ST7: variants seen among roughly 807,000 people sequenced by gnomAD.
ST7 encodes the protein suppressor of tumorigenicity 7 protein.
A neutral mutation model predicts 78.7 loss-of-function variants in ST7; 28 were observed. That is an observed-to-expected ratio of 0.36 (90% CI 0.26 to 0.49). The LOEUF is 0.49. Among genes scored for constraint, ST7 ranks in the 20% least tolerant of loss-of-function variants. The pLI is 0.99. For synonymous variants in ST7, 247 were observed against 249.6 expected, an observed-to-expected ratio of 0.99 and a Z score of 0.10; for missense variants, 418 against 696.0, an observed-to-expected ratio of 0.60 and a Z score of 4.49.
At chr7:117,047,963 C>T (rs1462230659) in intron 1 of ST7, among the ~76,000 whole-genome samples, 1 of 152,192 alleles carries the variant, frequency 6.6e-6, no homozygotes, top group Non-Finnish European at 1.5e-5. Context: ...CAAAACTTAA[C>T]TACTAGTAGC....
chr7:117,163,413 C>T (rs904444874), intron 9 of ST7, among the ~76,000 whole-genome samples: 1 of 152,048 alleles, frequency 6.6e-6, no homozygotes, highest in Non-Finnish European at 1.5e-5. Context: ...ATAAGAATTG[C>T]CTTTTTTCTG....
At chr7:117,208,108 T>C (rs187981266) in intron 12 of ST7, among the ~76,000 whole-genome samples, 1 of 152,246 alleles carries the variant, frequency 6.6e-6, no homozygotes, top group African/African-American at 2.4e-5. Flanking sequence ...TGGCTGATAT[T>C]CATTATAAAC....
At chr7:117,179,184 A>G (rs1808559985) in intron 10 of ST7, among the ~76,000 whole-genome samples, 1 of 152,218 alleles carries the variant, frequency 6.6e-6, no homozygotes, top group Non-Finnish European at 1.5e-5. Flanking sequence ...TCCCTATTAG[A>G]ACGTACAACA....
chr7:117,044,092 G>A (rs925639912), intron 1 of ST7, among the ~76,000 whole-genome samples: 1 of 152,022 alleles, frequency 6.6e-6, no homozygotes, highest in South Asian at 2.1e-4. Context: ...CCCTGGGATC[G>A]GTTCTTAAAC....
intron 9 of ST7, chr7:117,146,308 G>C (rs766112408): frequency 6.6e-6 from 1 of 152,298 alleles, no homozygotes; most frequent in Non-Finnish European, 1.5e-5. Context: ...CAAAGGCCCT[G>C]AGGCAGCAGT....
chr7:117,214,377 G>A (rs1164748498), intron 13 of ST7, among the ~76,000 whole-genome samples: 1 of 152,108 alleles, frequency 6.6e-6, no homozygotes, highest in East Asian at 1.9e-4. Flanking sequence ...TTTCCTTTGA[G>A]AGGGGAAAAT....
chr7:116,958,407 T>C (rs1211716222), intron 1 of ST7, among the ~76,000 whole-genome samples: 1 of 152,210 alleles, frequency 6.6e-6, no homozygotes. Flanking sequence ...TGGCATTTTT[T>C]CATGTTGAGA....
At chr7:117,173,090 CT>C (rs1808118815) in intron 10 of ST7, among the ~76,000 whole-genome samples, 1 of 152,228 alleles carries the variant, frequency 6.6e-6, no homozygotes, top group Non-Finnish European at 1.5e-5. Flanking sequence ...TGAAACTTGG[CT>C]CACACTTTGA....
At chr7:117,040,125 G>A (rs570911162) in intron 1 of ST7, among the ~76,000 whole-genome samples, 7 of 152,226 alleles carry the variant, frequency 4.6e-5, no homozygotes, top group South Asian at 2.1e-4. Flanking sequence ...TGTAATCCCA[G>A]CACTTTGGGA....
intron 1 of ST7, among the ~76,000 whole-genome samples, chr7:116,969,520 G>A (rs2116240709): frequency 6.6e-6 from 1 of 152,304 alleles, no homozygotes; most frequent in African/African-American, 2.4e-5. Flanking sequence ...CTGGCAGAGA[G>A]AGTGTTGATC....
chr7:117,102,654 A>C (rs1366489175), intron 2 of ST7, among the ~76,000 whole-genome samples: 2 of 152,196 alleles, frequency 1.3e-5, no homozygotes, highest in Non-Finnish European at 2.9e-5. Flanking sequence ...AACTATATTA[A>C]TATATTGAGA....
At chr7:117,053,869 G>A (rs557681990) in intron 1 of ST7, among the ~76,000 whole-genome samples, 3 of 151,568 alleles carry the variant, frequency 2.0e-5, no homozygotes, top group South Asian at 2.1e-4. Flanking sequence ...TTTTTAAGAC[G>A]GAGTCTTGCT....
rs148174568 is a variant in ST7 at position 116,994,812 on chromosome 7, A to G, written c.151+41121A>G. Among the ~76,000 whole-genome samples, 10 of 152,336 alleles carry G rather than the reference A, an allele frequency of 6.6e-5. No individual in the cohort carries two copies. In the East Asian group the frequency reaches 1.9e-3, roughly 29 times the overall value. ...CTAACAGTGGTTTTTCTGTTGGGAA[A>G]TTGATGCTGGGAATATGTGTAATGT... On this transcript the variant is annotated intron_variant, in intron 1 of 15. Transcript: ENST00000323984.
chr7:117,193,318 C>A (rs909326841), intron 12 of ST7, among the ~76,000 whole-genome samples: 5 of 152,154 alleles, frequency 3.3e-5, no homozygotes, highest in African/African-American at 1.2e-4. Flanking sequence ...TTGACTCTCT[C>A]CTTATAATGA....
intron 13 of ST7, among the ~76,000 whole-genome samples, chr7:117,214,801 TCATTC>T (rs1355767493): frequency 3.9e-5 from 6 of 152,120 alleles, no homozygotes; most frequent in African/African-American, 1.4e-4. Flanking sequence ...GTGCGTTTAT[TCATTC>T]ATTACTTTAT....
At chr7:116,972,552 T>A (rs1793480286) in intron 1 of ST7, 1 of 1,356,732 alleles carries the variant, frequency 7.4e-7, no homozygotes, top group Admixed American at 1.7e-5. Flanking sequence ...TATTTGCCTC[T>A]TCTGCAATGT....
At chr7:116,956,714 A>G in intron 1 of ST7, 1 of 464,942 alleles carries the variant, frequency 2.2e-6, no homozygotes, top group Non-Finnish European at 4.4e-6. Flanking sequence ...TCATTTGATC[A>G]TATTTTATGG....
chr7:117,150,397 T>C (rs1806155284), intron 9 of ST7, among the ~76,000 whole-genome samples: 1 of 152,220 alleles, frequency 6.6e-6, no homozygotes, highest in Admixed American at 6.5e-5. Flanking sequence ...CCATCTTCTC[T>C]TGACTCTTCT....
chr7:117,107,603 C>CTT lies in ST7; in HGVS notation c.234+7784_234+7785dup, dbSNP rs71528121. On this transcript the variant is annotated intron_variant, in intron 2 of 15. Coordinates refer to ENST00000323984, the MANE Select transcript of ST7 (RefSeq NM_001369598.1). ...TATTATTCATGTCCTTAGCCCACTTCTTTTTTTTTTTTTTTTTTTTTTTTT... is the reference window on the plus strand; with the variant it reads ...TATTATTCATGTCCTTAGCCCACTTCTTTTTTTTTTTTTTTTTTTTTTTTTTT... 5.0e-4 allele frequency among the ~76,000 whole-genome samples: 37 copies of CTT among 73,574 alleles called. 1 individual carries two copies. The highest frequency in any genetic ancestry group is 8.7e-4 in the African/African-American group (14 of 16,152). 48.3% of individuals were successfully genotyped at this position (73,574 alleles called of 152,430 possible). A position where few individuals can be genotyped will look rare whatever the true frequency, so the allele number is the denominator to read the frequency against.
Sources: allele counts gnomAD v4.1 joint callset (sites outside exome capture counted in the v4.1 genomes callset), GRCh38; gene constraint gnomAD v4.1.1; transcripts MANE v1.5; gene names NCBI Gene and HGNC (gene_info 2026-07-23, HGNC 2026-07-21).